The following DDX31 variants were observed in gnomAD, a reference collection of about 807,000 sequenced individuals.
The protein encoded by DDX31 is ATP-dependent DNA helicase DDX31.
DDX31 carries 70 observed loss-of-function variants against 91.3 expected under a neutral mutation model. That is an observed-to-expected ratio of 0.77 (90% CI 0.63 to 0.94). The LOEUF (loss-of-function observed/expected upper bound fraction) is 0.94, where lower values mean the gene tolerates loss of function less well. Ranked by LOEUF, DDX31 falls within the 40% of genes least tolerant of loss-of-function variation. The pLI, the probability that DDX31 is intolerant of heterozygous loss-of-function variation, is 0.00. For missense variants in DDX31, 902 were observed against 925.0 expected (o/e 0.98, Z 0.32); for synonymous variants, 362 against 350.6 (o/e 1.03, Z -0.36).
At chr9:132,618,271 G>A in intron 18 of DDX31, 59 bp downstream of exon 18, 2 of 1,457,616 alleles carry the variant, frequency 1.4e-6, no homozygotes, top group Non-Finnish European at 1.9e-6. Flanking sequence ...GTGGGTGAAG[G>A]TGGGGGAGAG....
intron 14 of DDX31, 94 bp from the exon 15 acceptor site, chr9:132,632,185 T>C (rs1458470077): frequency 4.7e-6 from 5 of 1,061,250 alleles, no homozygotes; most frequent in African/African-American, 3.3e-5. Context: ...ACTCTGAGAG[T>C]TCACCCGCCC....
chr9:132,635,592 C>T (rs1467434639), intron 14 of DDX31, among the ~76,000 whole-genome samples: 3 of 151,078 alleles, frequency 2.0e-5, no homozygotes, highest in Non-Finnish European at 2.9e-5. Flanking sequence ...TGTGAGCCAC[C>T]GTGCCTGGCC....
intron 4 of DDX31, 95 bp downstream of exon 4, chr9:132,661,113 C>T (rs1361740866): frequency 9.1e-7 from 1 of 1,095,484 alleles, no homozygotes; most frequent in African/African-American, 1.6e-5. Flanking sequence ...TGTTCCAACG[C>T]CAAGACACAA....
intron 15 of DDX31, among the ~76,000 whole-genome samples, chr9:132,631,826 C>T (rs756135992): frequency 2.0e-5 from 3 of 152,170 alleles, no homozygotes; most frequent in African/African-American, 4.8e-5. Context: ...ACCTCCCTCT[C>T]GTGAACGCAC....
chr9:132,616,448 C>T (rs1252837782), intron 18 of DDX31, among the ~76,000 whole-genome samples: 2 of 152,152 alleles, frequency 1.3e-5, no homozygotes, highest in African/African-American at 2.4e-5. Context: ...CTCAGATGAC[C>T]GAGACACCTT....
Position 132,651,096 on chromosome 9 carries a change from G to A in DDX31, c.654C>T (p.Asp218=), listed in dbSNP as rs763412555. 22 of 1,611,758 alleles carry A rather than the reference G, an allele frequency of 1.4e-5. No individual in the cohort carries two copies. The highest frequency in any genetic ancestry group is 1.6e-4 in the Middle Eastern group (1 of 6,080). The change falls in exon 8 of 20, where the codon GAC becomes GAT. Residue 218 remains aspartate, a synonymous_variant. Coordinates refer to ENST00000372159, the MANE Select transcript of DDX31 (RefSeq NM_022779.9). ...TTACCTTAAGCAGTTTCTGGACAGT[G>A]TCAAAGCTTTGTAGAGCTAGCTGTA... The part of the protein sequence containing the change: ...PTRELALQSF[D]TVQKLLKPFT...
chr9:132,632,237 C>G (rs921793290), intron 14 of DDX31, 146 bp from the exon 15 acceptor site: 1 of 297,098 alleles, frequency 3.4e-6, no homozygotes, highest in Non-Finnish European at 6.1e-6. Flanking sequence ...ATGCCCAGTA[C>G]GTGTACACAC....
intron 6 of DDX31, among the ~76,000 whole-genome samples, chr9:132,655,723 A>G (rs1236001302): frequency 6.6e-6 from 1 of 152,270 alleles, no homozygotes; most frequent in Non-Finnish European, 1.5e-5. Flanking sequence ...CCCTAAGCCA[A>G]TGGTGCCTTG....
chr9:132,632,995 T>C (rs1832890232), intron 14 of DDX31, among the ~76,000 whole-genome samples: 2 of 151,978 alleles, frequency 1.3e-5, no homozygotes, highest in African/African-American at 2.4e-5. Flanking sequence ...GTAACAAGAG[T>C]GTCCCAGCCA....
intron 17 of DDX31, among the ~76,000 whole-genome samples, chr9:132,623,871 A>C (rs993983953): frequency 6.6e-6 from 1 of 152,134 alleles, no homozygotes; most frequent in African/African-American, 2.4e-5. Flanking sequence ...GGAACATTAA[A>C]AAAGAAACCA....
At chr9:132,622,043 C>T (rs1832063258) in intron 17 of DDX31, among the ~76,000 whole-genome samples, 1 of 151,346 alleles carries the variant, frequency 6.6e-6, no homozygotes, top group Non-Finnish European at 1.5e-5. Flanking sequence ...TCCAAGCATT[C>T]ACTACTGTCT....
At chr9:132,660,868 C>A (rs1834890792) in intron 4 of DDX31, among the ~76,000 whole-genome samples, 1 of 152,090 alleles carries the variant, frequency 6.6e-6, no homozygotes, top group South Asian at 2.1e-4. Flanking sequence ...TTTGGTTGAC[C>A]CTAATTCTTA....
At chr9:132,604,486 T>C (rs1830899413) in intron 19 of DDX31, among the ~76,000 whole-genome samples, 3 of 152,090 alleles carry the variant, frequency 2.0e-5, no homozygotes, top group Non-Finnish European at 2.9e-5. Flanking sequence ...TCCTAACTTA[T>C]CTTTAAACTA....
intron 18 of DDX31, among the ~76,000 whole-genome samples, chr9:132,613,925 C>T (rs1233780128): frequency 6.6e-6 from 1 of 152,216 alleles, no homozygotes; most frequent in Non-Finnish European, 1.5e-5. Flanking sequence ...CCTGCAAACA[C>T]TCCCCGCCAT....
At chr9:132,605,926 C>G (rs1421785480) in intron 19 of DDX31, among the ~76,000 whole-genome samples, 1 of 151,838 alleles carries the variant, frequency 6.6e-6, no homozygotes, top group South Asian at 2.1e-4. Flanking sequence ...ACTGCGGTGC[C>G]GTGGCCACAG....
At chr9:132,636,378 C>A (rs1389359654) in intron 14 of DDX31, among the ~76,000 whole-genome samples, 1 of 152,224 alleles carries the variant, frequency 6.6e-6, no homozygotes, top group Non-Finnish European at 1.5e-5. Context: ...TTGTGAAGAA[C>A]TGATTTCTTG....
Position 132,669,378 on chromosome 9 carries a change from A to C in DDX31, c.75+482T>G, listed in dbSNP as rs547861991. 1.6e-4 allele frequency among the ~76,000 whole-genome samples: 24 copies of C among 152,064 alleles called. No individual in the cohort carries two copies. The South Asian group carries it at 4.8e-3, about 30-fold the overall frequency. The stretch of plus-strand genomic sequence containing the variant: ...TTAGGCCAGAGCCAGTTTGGAAAGT[A>C]AGTCACGATATATAGGGTTAAATGA... On this transcript the variant is annotated intron_variant, in intron 1 of 19. Coordinates refer to ENST00000372159, the MANE Select transcript of DDX31 (RefSeq NM_022779.9).
intron 8 of DDX31, among the ~76,000 whole-genome samples, 160 bp downstream of exon 8, chr9:132,650,915 T>C (rs1050793687): frequency 1.3e-5 from 2 of 152,226 alleles, no homozygotes; most frequent in Admixed American, 1.3e-4. Context: ...TTGGTAGGTT[T>C]AGATCAGTAA....
chr9:132,637,260 G>A (rs754366469), intron 14 of DDX31, among the ~76,000 whole-genome samples: 5 of 152,186 alleles, frequency 3.3e-5, no homozygotes, highest in Non-Finnish European at 5.9e-5. Context: ...AGACTCAGCA[G>A]AGGATTCTGT....
Sources: allele counts gnomAD v4.1 joint callset (sites outside exome capture counted in the v4.1 genomes callset), GRCh38; gene constraint gnomAD v4.1.1; transcripts MANE v1.5; gene names NCBI Gene and HGNC (gene_info 2026-07-23, HGNC 2026-07-21).